The following C2orf66 variants were observed in gnomAD, a reference collection of about 807,000 sequenced individuals.
The protein encoded by C2orf66 is chromosome 2 open reading frame 66, also known as uncharacterized protein C2orf66.
C2orf66 carries 6 observed loss-of-function variants against 7.0 expected under a neutral mutation model. That is an observed-to-expected ratio of 0.86 (90% confidence interval 0.47 to 1.69). The LOEUF (loss-of-function observed/expected upper bound fraction) is 1.69. C2orf66 is among the 40% of genes most tolerant of loss of function. C2orf66 has a pLI of 0.01. For synonymous variants in C2orf66, 38 were observed against 43.8 expected (o/e 0.87, Z 0.52); for missense variants, 107 against 112.0 (o/e 0.96, Z 0.20).
the C2orf66 span, among the ~76,000 whole-genome samples, chr2:196,820,802 A>G: frequency 6.6e-6 from 1 of 152,222 alleles, no homozygotes; most frequent in Non-Finnish European, 1.5e-5. Context: ...TCTATCTGAG[A>G]ATTTGGGCTT....
At chr2:196,828,228 TCTCACACA>T in the C2orf66 span, among the ~76,000 whole-genome samples, 1,038 of 127,276 alleles carry the variant, frequency 8.2e-3, 5 homozygotes, top group Non-Finnish European at 9.6e-3. Flanking sequence ...TCTCTCTCTC[TCTCACACA>T]CACACACACA....
upstream of C2orf66, among the ~76,000 whole-genome samples, chr2:196,813,583 C>A (rs1699896273): frequency 6.6e-6 from 1 of 152,200 alleles, no homozygotes; most frequent in Non-Finnish European, 1.5e-5. Flanking sequence ...CAAATGGGAT[C>A]TAATTACACT....
At chr2:196,806,098 A>G (rs1338246432) in intron 2 of C2orf66, among the ~76,000 whole-genome samples, 7 of 152,236 alleles carry the variant, frequency 4.6e-5, no homozygotes, top group Non-Finnish European at 7.4e-5. Flanking sequence ...TTGTGGGAGA[A>G]TGGGAAAAGA....
the C2orf66 span, among the ~76,000 whole-genome samples, chr2:196,829,663 C>T: frequency 3.4e-4 from 52 of 151,756 alleles, no homozygotes; most frequent in Admixed American, 3.3e-3. Context: ...TTTGGGGTGC[C>T]GAGGCGGGCG....
chr2:196,828,494 C>G, the C2orf66 span, among the ~76,000 whole-genome samples: 4 of 152,190 alleles, frequency 2.6e-5, no homozygotes, highest in Non-Finnish European at 5.9e-5. Context: ...TTTTCACCCT[C>G]TGGTGTATAC....
the C2orf66 span, among the ~76,000 whole-genome samples, chr2:196,830,943 C>G: frequency 6.6e-6 from 1 of 152,096 alleles, no homozygotes; most frequent in Non-Finnish European, 1.5e-5. Flanking sequence ...GAGAGTGTAA[C>G]CTATCTCTCT....
At chr2:196,825,877 C>G in the C2orf66 span, among the ~76,000 whole-genome samples, 1 of 152,172 alleles carries the variant, frequency 6.6e-6, no homozygotes, top group African/African-American at 2.4e-5. Flanking sequence ...CTACAGCATA[C>G]AGGAAGACAG....
upstream of C2orf66, among the ~76,000 whole-genome samples, chr2:196,813,349 C>T (rs912142171): frequency 4.5e-4 from 68 of 152,178 alleles, no homozygotes; most frequent in African/African-American, 1.4e-3. Context: ...ATTTAATAAA[C>T]GGTGCTGGGA....
rs183979244 is a variant in C2orf66, at chr2:196,804,813, G to A, written c.*615C>T. 6.6e-6 allele frequency among the ~76,000 whole-genome samples: 1 copy of A among 152,304 alleles called. No homozygotes were observed. Among genetic ancestry groups the A allele is most frequent in the Admixed American group, 6.5e-5 (1 of 15,302 alleles). ...TCTGGCAAAGAGCATCTTTGGAGGC[G>A]TTGACAACTTCTAGAATCCCATGTT... On this transcript the variant is annotated 3_prime_UTR_variant, in exon 3 of 3. Transcript: ENST00000342506.
At chr2:196,815,282 T>C in the C2orf66 span, among the ~76,000 whole-genome samples, 1 of 152,166 alleles carries the variant, frequency 6.6e-6, no homozygotes, top group Non-Finnish European at 1.5e-5. Context: ...TTCTTGATTT[T>C]AAATTTCTTT....
the C2orf66 span, among the ~76,000 whole-genome samples, chr2:196,828,260 A>T: frequency 6.6e-6 from 1 of 151,418 alleles, no homozygotes; most frequent in African/African-American, 2.4e-5. Flanking sequence ...ACACACACAC[A>T]CACACACACA....
At chr2:196,830,471 G>C in the C2orf66 span, among the ~76,000 whole-genome samples, 1 of 152,160 alleles carries the variant, frequency 6.6e-6, no homozygotes. Context: ...ATTCATGACA[G>C]ACATCATTTC....
At chr2:196,826,891 C>T in the C2orf66 span, among the ~76,000 whole-genome samples, 1 of 151,936 alleles carries the variant, frequency 6.6e-6, no homozygotes, top group East Asian at 1.9e-4. Flanking sequence ...AATTAGCTGG[C>T]GTGGTGGCGG....
chr2:196,823,117 T>C, the C2orf66 span, among the ~76,000 whole-genome samples: 1 of 151,634 alleles, frequency 6.6e-6, no homozygotes, highest in African/African-American at 2.4e-5. Flanking sequence ...GCTATAAAAT[T>C]TGGAATAATA....
chr2:196,828,733 T>C, the C2orf66 span, among the ~76,000 whole-genome samples: 5 of 152,206 alleles, frequency 3.3e-5, no homozygotes, highest in Non-Finnish European at 7.3e-5. Flanking sequence ...ACTCTCTTGC[T>C]GGTTTTGAAG....
chr2:196,829,062 T>C, the C2orf66 span, among the ~76,000 whole-genome samples: 1 of 152,186 alleles, frequency 6.6e-6, no homozygotes, highest in Non-Finnish European at 1.5e-5. Context: ...TATGTTAACA[T>C]ATATATGTAT....
At chr2:196,814,014 A>C (rs1156623221), upstream of C2orf66, among the ~76,000 whole-genome samples, 3 of 152,290 alleles carry the variant, frequency 2.0e-5, no homozygotes, top group East Asian at 5.8e-4. Context: ...GACAGTGTGG[A>C]AATTCCTCAA....
At chr2:196,823,011 T>C in the C2orf66 span, among the ~76,000 whole-genome samples, 1 of 140,130 alleles carries the variant, frequency 7.1e-6, no homozygotes, top group African/African-American at 2.9e-5. Context: ...TTAAATAAAC[T>C]TCTTGTTAAA....
chr2:196,822,710 T>C, the C2orf66 span, among the ~76,000 whole-genome samples: 2 of 152,198 alleles, frequency 1.3e-5, no homozygotes, highest in Non-Finnish European at 2.9e-5. Context: ...AAATACTGAT[T>C]CTGTGAAAAT....
Sources: allele counts gnomAD v4.1 joint callset (sites outside exome capture counted in the v4.1 genomes callset), GRCh38; gene constraint gnomAD v4.1.1; transcripts MANE v1.5; gene names NCBI Gene and HGNC (gene_info 2026-07-23, HGNC 2026-07-21).